Variants in MPP7 observed in about 807,000 individuals in gnomAD.
The protein encoded by MPP7 is MAGUK p55 scaffold protein 7.
A neutral mutation model predicts 76.5 loss-of-function variants in MPP7; 60 were observed. The observed-to-expected ratio is 0.78, with a 90% confidence interval of 0.64 to 0.97. The LOEUF (loss-of-function observed/expected upper bound fraction) is 0.97, where lower values mean the gene tolerates loss of function less well. Among genes scored for constraint, MPP7 ranks in the 50% least tolerant of loss-of-function variants. The pLI, the probability that MPP7 is intolerant of heterozygous loss-of-function variation, is 0.00. For synonymous variants in MPP7, 237 were observed against 244.5 expected, an observed-to-expected ratio of 0.97 and a Z score of 0.29; for missense variants, 641 against 694.0, an observed-to-expected ratio of 0.92 and a Z score of 0.86.
At chr10:28,245,367 C>T (rs1839399241) in intron 1 of MPP7, among the ~76,000 whole-genome samples, 2 of 152,216 alleles carry the variant, frequency 1.3e-5, no homozygotes, top group South Asian at 4.1e-4. Flanking sequence ...CCACTAGATT[C>T]CTTGAGAATG....
chr10:28,133,744 C>G (rs371388059), intron 5 of MPP7, among the ~76,000 whole-genome samples: 2 of 152,198 alleles, frequency 1.3e-5, no homozygotes, highest in East Asian at 3.9e-4. Context: ...TATGCTCATT[C>G]CTAGTCATCA....
chr10:28,121,894 C>T (rs1180980600), intron 8 of MPP7, among the ~76,000 whole-genome samples: 1 of 151,982 alleles, frequency 6.6e-6, no homozygotes, highest in African/African-American at 2.4e-5. Context: ...TTTCAATTCA[C>T]CAGCATGAAG....
At chr10:28,258,799 G>C (rs967208835) in intron 1 of MPP7, among the ~76,000 whole-genome samples, 1 of 152,116 alleles carries the variant, frequency 6.6e-6, no homozygotes, top group African/African-American at 2.4e-5. Context: ...GCAACCACCA[G>C]GCACTATGCT....
At chr10:28,090,333 A>G (rs1853237036) in intron 11 of MPP7, among the ~76,000 whole-genome samples, 1 of 152,182 alleles carries the variant, frequency 6.6e-6, no homozygotes, top group Non-Finnish European at 1.5e-5. Flanking sequence ...TAAAAACAAT[A>G]ACTTAGATTT....
intron 3 of MPP7, among the ~76,000 whole-genome samples, chr10:28,173,407 A>T (rs1206168401): frequency 6.6e-6 from 1 of 152,212 alleles, no homozygotes; most frequent in Admixed American, 6.5e-5. Flanking sequence ...ATTGTCATGG[A>T]AGAAATAAAA....
At chr10:28,234,443 T>C (rs968347362) in intron 2 of MPP7, among the ~76,000 whole-genome samples, 3 of 152,192 alleles carry the variant, frequency 2.0e-5, no homozygotes, top group Non-Finnish European at 4.4e-5. Context: ...CGACACATGC[T>C]ACTGTAAGTG....
intron 2 of MPP7, among the ~76,000 whole-genome samples, chr10:28,219,608 T>C (rs1457322177): frequency 1.3e-5 from 2 of 152,134 alleles, no homozygotes; most frequent in Non-Finnish European, 2.9e-5. Context: ...AACCAAAATA[T>C]CTAGAAGTCA....
intron 1 of MPP7, among the ~76,000 whole-genome samples, chr10:28,298,262 C>G (rs1841077634): frequency 6.6e-6 from 1 of 152,210 alleles, no homozygotes; most frequent in South Asian, 2.1e-4. Flanking sequence ...CAATCACTAT[C>G]TATGGCAGCT....
intron 1 of MPP7, among the ~76,000 whole-genome samples, chr10:28,263,174 T>A (rs1840045198): frequency 6.6e-6 from 1 of 152,132 alleles, no homozygotes; most frequent in African/African-American, 2.4e-5. Flanking sequence ...AATAAAATAT[T>A]TTAAAGAAAA....
chr10:28,267,854 G>A (rs1004582001), intron 1 of MPP7, among the ~76,000 whole-genome samples: 19 of 152,006 alleles, frequency 1.2e-4, no homozygotes, highest in Admixed American at 7.2e-4. Flanking sequence ...TGGGCAACAC[G>A]GTGAAACTCC....
intron 2 of MPP7, among the ~76,000 whole-genome samples, chr10:28,211,848 C>T (rs141046190): frequency 7.9e-5 from 12 of 152,168 alleles, no homozygotes; most frequent in African/African-American, 2.4e-4. Context: ...CCAGATCACA[C>T]AGGGCCTGAA....
intron 1 of MPP7, among the ~76,000 whole-genome samples, chr10:28,287,786 T>C (rs1479449057): frequency 3.3e-5 from 5 of 152,206 alleles, no homozygotes; most frequent in Non-Finnish European, 7.3e-5. Flanking sequence ...TTTAATTCCA[T>C]GAATCAGTAT....
chr10:28,189,884 C>A (rs1039254339), intron 3 of MPP7, among the ~76,000 whole-genome samples: 2 of 151,792 alleles, frequency 1.3e-5, no homozygotes, highest in African/African-American at 4.8e-5. Context: ...CAGAGACTGT[C>A]AGAATGGATA....
intron 5 of MPP7, among the ~76,000 whole-genome samples, chr10:28,144,310 T>C (rs747021719): frequency 2.0e-5 from 3 of 152,138 alleles, no homozygotes; most frequent in Non-Finnish European, 2.9e-5. Flanking sequence ...ATCCTTTCAA[T>C]GGCTTTCCAC....
In MPP7 at chr10:28,145,160, G is replaced by A. The variant is rs185052186; in HGVS notation, c.315+2323C>T. Among the ~76,000 whole-genome samples the A allele has an allele frequency of 3.7e-3, 560 of 152,188 alleles. 2 individuals carry two copies. Among genetic ancestry groups the A allele is most frequent in the African/African-American group, 0.013 (535 of 41,524 alleles). On this transcript the variant is annotated intron_variant, in intron 5 of 16. Transcript: ENST00000683449. ...GAACTTCTGACCTCGTGATCCGCCC[G>A]TCACGGCCTCCCAAAGTGCTGGGAT...
intron 1 of MPP7, among the ~76,000 whole-genome samples, chr10:28,333,994 A>G (rs1294885066): frequency 1.3e-5 from 2 of 152,154 alleles, no homozygotes; most frequent in Admixed American, 6.6e-5. Context: ...GGAGTTCGAG[A>G]TCAGCCTGGC....
intron 6 of MPP7, among the ~76,000 whole-genome samples, chr10:28,125,544 T>C (rs943794060): frequency 5.3e-5 from 8 of 152,192 alleles, no homozygotes; most frequent in Non-Finnish European, 1.2e-4. Flanking sequence ...CCCAGATCAT[T>C]TGACTTTTAG....
chr10:28,315,847 A>G (rs1834315252), intron 2 of MPP7, among the ~76,000 whole-genome samples: 2 of 152,154 alleles, frequency 1.3e-5, no homozygotes, highest in African/African-American at 4.8e-5. Flanking sequence ...TATCTCAACC[A>G]GCTGATCAAG....
intron 3 of MPP7, among the ~76,000 whole-genome samples, chr10:28,156,267 C>T (rs1836057870): frequency 6.6e-6 from 1 of 152,086 alleles, no homozygotes; most frequent in African/African-American, 2.4e-5. Flanking sequence ...TGAAAGTCAC[C>T]ATTAAAAGAG....
Sources: gnomAD v4.1 joint callset for allele counts (sites outside exome capture counted in the v4.1 genomes callset) on GRCh38, gnomAD v4.1.1 for gene constraint, MANE v1.5 for transcripts, NCBI Gene and HGNC (gene_info 2026-07-23, HGNC 2026-07-21) for gene names.